The following CUBN variants were observed in gnomAD, a reference collection of about 807,000 sequenced individuals.
The protein encoded by CUBN is cubilin.
A neutral mutation model predicts 405.3 loss-of-function variants in CUBN; 282 were observed. That is an observed-to-expected ratio of 0.70 (90% CI 0.63 to 0.77). CUBN has a LOEUF of 0.77. Among genes scored for constraint, CUBN ranks in the 30% least tolerant of loss-of-function variants. The pLI is 0.00. For synonymous variants in CUBN, 1,684 were observed against 1,617.0 expected, an observed-to-expected ratio of 1.04 and a Z score of -0.99; for missense variants, 4,514 against 4,475.2, an observed-to-expected ratio of 1.01 and a Z score of -0.25.
At chr10:16,830,930 T>C (rs12242261) in intron 65 of CUBN, among the ~76,000 whole-genome samples, 28,491 of 151,882 alleles carry the variant, frequency 0.19, 2,904 homozygotes, top group African/African-American at 0.27. Flanking sequence ...CTACTAAAAA[T>C]ACAAAAATCG....
At chr10:17,089,598 A>G (rs1324899969) in intron 14 of CUBN, among the ~76,000 whole-genome samples, 1 of 152,198 alleles carries the variant, frequency 6.6e-6, no homozygotes, top group Non-Finnish European at 1.5e-5. Flanking sequence ...TTGAAAACAA[A>G]TTATTGGAGA....
At chr10:17,008,937 T>C (rs1038391771) in intron 28 of CUBN, among the ~76,000 whole-genome samples, 1 of 152,134 alleles carries the variant, frequency 6.6e-6, no homozygotes, top group Non-Finnish European at 1.5e-5. Context: ...GCGTGAATGA[T>C]ACATCATGAT....
At chr10:16,866,663 A>G (rs1840193159) in intron 59 of CUBN, among the ~76,000 whole-genome samples, 1 of 152,224 alleles carries the variant, frequency 6.6e-6, no homozygotes, top group Non-Finnish European at 1.5e-5. Flanking sequence ...AGATTGCTGC[A>G]GCCCAGTGTG....
chr10:17,045,250 T>G, intron 24 of CUBN, 62 bp from the exon 25 acceptor site: 1 of 1,520,890 alleles, frequency 6.6e-7, no homozygotes, highest in South Asian at 1.1e-5. Context: ...TGAATCTTTT[T>G]GTCTGCATTA....
At chr10:16,963,957 C>T (rs73596224) in intron 31 of CUBN, among the ~76,000 whole-genome samples, 5 of 152,208 alleles carry the variant, frequency 3.3e-5, no homozygotes, top group African/African-American at 7.2e-5. Context: ...TCCTCTGGGA[C>T]GGGGAACAGG....
At chr10:17,063,819 T>G (rs7907628) in intron 22 of CUBN, among the ~76,000 whole-genome samples, 35,555 of 152,150 alleles carry the variant, frequency 0.23, 5,209 homozygotes, top group African/African-American at 0.4. Context: ...AAATTAAAAT[T>G]ATGTTCATAG....
chr10:17,097,060 A>G (rs996726818), intron 14 of CUBN, among the ~76,000 whole-genome samples: 8 of 152,154 alleles, frequency 5.3e-5, no homozygotes, highest in Non-Finnish European at 1.2e-4. Flanking sequence ...GTAACCATAC[A>G]TTAGGTGCAA....
chr10:16,893,507 G>A (rs7068023), intron 54 of CUBN, among the ~76,000 whole-genome samples: 109,923 of 151,990 alleles, frequency 0.72, 40,169 homozygotes, highest in Middle Eastern at 0.81. Flanking sequence ...TGCTTTTGTT[G>A]TTTATAACCA....
intron 31 of CUBN, among the ~76,000 whole-genome samples, chr10:16,962,245 A>G (rs1258423286): frequency 6.6e-6 from 1 of 152,190 alleles, no homozygotes; most frequent in Non-Finnish European, 1.5e-5. Flanking sequence ...GCATGTAGTA[A>G]GCATGTGATA....
At chr10:17,094,458 T>C (rs916020685) in intron 14 of CUBN, among the ~76,000 whole-genome samples, 3 of 152,034 alleles carry the variant, frequency 2.0e-5, no homozygotes, top group Non-Finnish European at 4.4e-5. Flanking sequence ...GAATGTAAAA[T>C]GGTCTGTTTG....
chr10:16,988,336 C>T (rs1416069897), intron 29 of CUBN, among the ~76,000 whole-genome samples: 2 of 152,170 alleles, frequency 1.3e-5, no homozygotes, highest in Non-Finnish European at 2.9e-5. Flanking sequence ...GAACATTCTG[C>T]ACATGGATGC....
intron 59 of CUBN, among the ~76,000 whole-genome samples, chr10:16,859,528 G>T (rs1189568184): frequency 6.6e-6 from 1 of 152,112 alleles, no homozygotes; most frequent in Non-Finnish European, 1.5e-5. Context: ...GAAAGCAATG[G>T]CTTCCTAATC....
At chr10:16,882,009 G>T (rs911474822) in intron 56 of CUBN, among the ~76,000 whole-genome samples, 1 of 152,176 alleles carries the variant, frequency 6.6e-6, no homozygotes, top group Middle Eastern at 3.2e-3. Flanking sequence ...ATTATTGGAA[G>T]AGCCAATTGT....
intron 54 of CUBN, among the ~76,000 whole-genome samples, chr10:16,898,242 T>A (rs767366886): frequency 7.2e-5 from 11 of 152,208 alleles, no homozygotes; most frequent in Non-Finnish European, 1.5e-4. Flanking sequence ...GCACTACCTA[T>A]GTTATTACAT....
chr10:17,108,795 AAAC>A (rs1836699262), intron 10 of CUBN, among the ~76,000 whole-genome samples: 1 of 152,108 alleles, frequency 6.6e-6, no homozygotes, highest in Admixed American at 6.6e-5. Context: ...ATTAAAACAA[AAAC>A]AACATGCCAG....
At position 16,954,411 on chromosome 10, in the gene CUBN, G is replaced by A; in HGVS notation, c.4833C>T (p.Gly1611=). 6.2e-7 allele frequency: 1 copy of A among 1,614,178 alleles called. No homozygotes were observed. The highest frequency in any genetic ancestry group is 8.5e-7 in the Non-Finnish European group (1 of 1,180,024). The stretch of plus-strand genomic sequence containing the variant: ...TGCCTTGCCTGAATTGAGCTCGGAA[G>A]CCTCTGTTCTGTCTGGAAGGGCCAG... ...FQSGPSRQNR[G]FRAQFRQACG... is the part of the protein sequence containing the mutation. Residue 1611 remains glycine (G), a synonymous_variant, in exon 32 of 67, where the codon GGC becomes GGT. Transcript: ENST00000377833.
intron 56 of CUBN, among the ~76,000 whole-genome samples, chr10:16,886,472 T>C (rs149020585): frequency 3.9e-5 from 6 of 152,338 alleles, no homozygotes; most frequent in African/African-American, 1.2e-4. Flanking sequence ...AGAAAGCTGA[T>C]ATGTAACAAG....
chr10:16,871,379 A>G (rs1840348371), intron 58 of CUBN, among the ~76,000 whole-genome samples: 2 of 150,642 alleles, frequency 1.3e-5, no homozygotes, highest in Admixed American at 1.3e-4. Flanking sequence ...CTAATAAACA[A>G]TCCATAATAT....
chr10:16,898,902 T>G, intron 54 of CUBN, 94 bp downstream of exon 54: 1 of 965,846 alleles, frequency 1.0e-6, no homozygotes. Context: ...GCAGCAAAAT[T>G]TTCTTACTTT....
Sources: gnomAD v4.1 joint callset for allele counts (sites outside exome capture counted in the v4.1 genomes callset) on GRCh38, gnomAD v4.1.1 for gene constraint, MANE v1.5 for transcripts, NCBI Gene and HGNC (gene_info 2026-07-23, HGNC 2026-07-21) for gene names.